Variants in MDGA2 observed in about 807,000 individuals in gnomAD.
MDGA2 encodes the protein MAM domain containing glycosylphosphatidylinositol anchor 2.
In MDGA2, 40 loss-of-function variants were observed where a neutral mutation model predicts 117.8. The observed-to-expected ratio is 0.34, with a 90% CI of 0.26 to 0.44. The LOEUF (loss-of-function observed/expected upper bound fraction) is 0.44, where lower values mean the gene tolerates loss of function less well. Among genes scored for constraint, MDGA2 ranks in the 20% least tolerant of loss-of-function variants. The probability of loss-of-function intolerance (pLI) is 1.00; values close to 1 mark genes in which losing one functional copy is unlikely to be tolerated. For missense variants in MDGA2, 1,123 were observed against 1,250.6 expected, an observed-to-expected ratio of 0.90 and a Z score of 1.54; for synonymous variants, 452 against 439.0, an observed-to-expected ratio of 1.03 and a Z score of -0.37.
intron 3 of MDGA2, among the ~76,000 whole-genome samples, chr14:47,206,821 C>T (rs1191162302): frequency 2.0e-5 from 3 of 151,806 alleles, no homozygotes; most frequent in Non-Finnish European, 2.9e-5. Flanking sequence ...CCCAGAAGTT[C>T]GAGGATGCAG....
intron 9 of MDGA2, among the ~76,000 whole-genome samples, chr14:46,949,144 G>A (rs150114569): frequency 6.6e-6 from 1 of 152,124 alleles, no homozygotes; most frequent in African/African-American, 2.4e-5. Flanking sequence ...ACAGATAGAG[G>A]AAGCAAGGCC....
At chr14:47,651,239 TG>T (rs1356872897) in intron 1 of MDGA2, among the ~76,000 whole-genome samples, 21 of 151,858 alleles carry the variant, frequency 1.4e-4, no homozygotes, top group Admixed American at 7.2e-4. Context: ...TGTGTGTGTG[TG>T]TGTGTGTGTG....
chr14:47,354,837 T>A (rs956233460), intron 1 of MDGA2, among the ~76,000 whole-genome samples: 1 of 152,014 alleles, frequency 6.6e-6, no homozygotes, highest in Non-Finnish European at 1.5e-5. Context: ...AACAGTGAAA[T>A]TAACTGTGAA....
intron 5 of MDGA2, among the ~76,000 whole-genome samples, chr14:47,118,781 T>C (rs1298850737): frequency 6.6e-6 from 1 of 152,212 alleles, no homozygotes; most frequent in Non-Finnish European, 1.5e-5. Context: ...TCGTTCAGTC[T>C]GGAGTGCAGC....
chr14:47,378,031 C>A (rs796914605), intron 1 of MDGA2, among the ~76,000 whole-genome samples: 1 of 152,306 alleles, frequency 6.6e-6, no homozygotes, highest in African/African-American at 2.4e-5. Flanking sequence ...AAGGACCAGG[C>A]AGCAACATTT....
At chr14:47,134,988 C>T (rs1457394950) in intron 4 of MDGA2, among the ~76,000 whole-genome samples, 1 of 151,926 alleles carries the variant, frequency 6.6e-6, no homozygotes, top group Non-Finnish European at 1.5e-5. Context: ...TATACTCTGT[C>T]AGTCCTTGTT....
intron 1 of MDGA2, among the ~76,000 whole-genome samples, chr14:47,640,391 C>T (rs1897402381): frequency 6.6e-6 from 1 of 152,106 alleles, no homozygotes; most frequent in African/African-American, 2.4e-5. Context: ...ACTGCAATGA[C>T]TTCTGAACTG....
intron 1 of MDGA2, among the ~76,000 whole-genome samples, chr14:47,631,917 G>A (rs764489931): frequency 2.7e-5 from 4 of 148,072 alleles, no homozygotes; most frequent in Admixed American, 6.8e-5. Context: ...AAAACATTAC[G>A]AGATTTTTTT....
intron 5 of MDGA2, among the ~76,000 whole-genome samples, chr14:47,120,805 A>G (rs1881610565): frequency 6.6e-6 from 1 of 152,150 alleles, no homozygotes. Flanking sequence ...AATGGACTGG[A>G]TACACTATCC....
At chr14:47,194,428 G>A (rs932873909) in intron 3 of MDGA2, among the ~76,000 whole-genome samples, 2 of 151,684 alleles carry the variant, frequency 1.3e-5, no homozygotes, top group African/African-American at 4.8e-5. Flanking sequence ...CACCCATTTT[G>A]ATATATATAT....
At chr14:46,914,919 A>G (rs1381829400) in intron 10 of MDGA2, among the ~76,000 whole-genome samples, 2 of 152,194 alleles carry the variant, frequency 1.3e-5, no homozygotes, top group Non-Finnish European at 1.5e-5. Flanking sequence ...ATCACAAAAT[A>G]TGTAACATAA....
chr14:47,021,665 T>C (rs1189554352), intron 8 of MDGA2, among the ~76,000 whole-genome samples: 1 of 152,170 alleles, frequency 6.6e-6, no homozygotes, highest in African/African-American at 2.4e-5. Context: ...ATTAATAGAG[T>C]ATGGTTTCTG....
intron 1 of MDGA2, among the ~76,000 whole-genome samples, chr14:47,582,948 T>C (rs927361239): frequency 5.9e-5 from 9 of 151,874 alleles, no homozygotes; most frequent in African/African-American, 2.2e-4. Context: ...AATGTACATC[T>C]TATCGTGAAT....
intron 1 of MDGA2, among the ~76,000 whole-genome samples, chr14:47,653,947 G>A (rs1897693244): frequency 6.6e-6 from 1 of 152,270 alleles, no homozygotes; most frequent in South Asian, 2.1e-4. Context: ...CTGACCCCTT[G>A]ATTTTAGCTC....
intron 1 of MDGA2, among the ~76,000 whole-genome samples, chr14:47,552,585 T>A (rs1895603178): frequency 6.6e-6 from 1 of 152,208 alleles, no homozygotes; most frequent in Non-Finnish European, 1.5e-5. Context: ...ACTTTTATAA[T>A]GGTCCAAACC....
At chr14:47,261,794 C>T (rs74763283) in intron 2 of MDGA2, among the ~76,000 whole-genome samples, 1 of 152,222 alleles carries the variant, frequency 6.6e-6, no homozygotes, top group East Asian at 1.9e-4. Context: ...TCTTATGAGC[C>T]CACCTGTGTG....
intron 2 of MDGA2, among the ~76,000 whole-genome samples, chr14:47,264,955 A>G (rs564873392): frequency 6.6e-6 from 1 of 151,964 alleles, no homozygotes; most frequent in Admixed American, 6.6e-5. Context: ...ACATGATTTT[A>G]TTTTTTAATG....
intron 6 of MDGA2, among the ~76,000 whole-genome samples, chr14:47,091,365 G>C (rs1222020793): frequency 6.6e-6 from 1 of 152,010 alleles, no homozygotes; most frequent in Non-Finnish European, 1.5e-5. Context: ...CTATTAAAAA[G>C]CAGACAATAA....
Position 47,440,130 on chromosome 14 carries a change from C to G in MDGA2, c.281-138580G>C, listed in dbSNP as rs1178265692. Reference sequence around the variant, plus strand: ...TACCTCTAGGATTGTTTCCCCATCACATGTGTCGGCTCCAGTGTCTCACTC... The same window carrying G: ...TACCTCTAGGATTGTTTCCCCATCAGATGTGTCGGCTCCAGTGTCTCACTC... On this transcript the variant is annotated intron_variant, in intron 1 of 16. Transcript: ENST00000399232. Among the ~76,000 whole-genome samples, 6 of 152,154 alleles carry G rather than the reference C, an allele frequency of 3.9e-5. No homozygotes were observed. In the Middle Eastern group the frequency reaches 0.017, roughly 431 times the overall value.
Sources: allele counts gnomAD v4.1 joint callset (sites outside exome capture counted in the v4.1 genomes callset), GRCh38; gene constraint gnomAD v4.1.1; transcripts MANE v1.5; gene names NCBI Gene and HGNC (gene_info 2026-07-23, HGNC 2026-07-21).